The following UGT2B17 variants were observed in gnomAD, a reference collection of about 807,000 sequenced individuals.
UGT2B17 encodes the protein UDP-glucuronosyltransferase 2B17.
UGT2B17 carries 21 observed loss-of-function variants against 48.2 expected under a neutral mutation model. That is an observed-to-expected ratio of 0.44 (90% CI 0.31 to 0.63). UGT2B17 has a LOEUF of 0.63. Ranked by LOEUF, UGT2B17 falls within the 20% of genes least tolerant of loss-of-function variation. The pLI is 0.08. For synonymous variants in UGT2B17, 146 were observed against 238.4 expected, an observed-to-expected ratio of 0.61 and a Z score of 3.57; for missense variants, 402 against 696.1, an observed-to-expected ratio of 0.58 and a Z score of 4.75.
Position 68,537,329 on chromosome 4 carries a change from A to G in UGT2B17, c.*296T>C, listed in dbSNP as rs1208026658. The G allele has an allele frequency of 1.1e-5, 2 of 175,316 alleles. No homozygotes were observed. Among genetic ancestry groups the G allele is most frequent in the Non-Finnish European group, 2.1e-5 (2 of 95,086 alleles). 10.9% of individuals were successfully genotyped at this position (175,316 alleles called of 1,614,324 possible). The stretch of plus-strand genomic sequence containing the variant: ...TGTGTTCAAATACAATGTGTGAAAC[A>G]TAAGGAAGCTCAGTAACTTTTGTGT... On this transcript the variant is annotated 3_prime_UTR_variant, in exon 7 of 7. Coordinates refer to ENST00000317746, the MANE Select transcript of UGT2B17 (RefSeq NM_001077.4).
At chr4:68,554,757 T>C (rs1445879046) in intron 4 of UGT2B17, among the ~76,000 whole-genome samples, 1 of 126,466 alleles carries the variant, frequency 7.9e-6, no homozygotes, top group Non-Finnish European at 1.7e-5. Flanking sequence ...GAATGGTTTC[T>C]TTTAATATGC....
At chr4:68,547,583 A>G (rs1214385858) in intron 6 of UGT2B17, among the ~76,000 whole-genome samples, 1 of 125,860 alleles carries the variant, frequency 7.9e-6, no homozygotes, top group Non-Finnish European at 1.7e-5. Flanking sequence ...ATGGGATCTC[A>G]TTAAACTAAA....
chr4:68,564,294 A>ATATTTT lies in UGT2B17; in HGVS notation c.873+1277_873+1278insAAAATA, dbSNP rs1366181355. ...ATTTCATATATATATATATATATAT[A>ATATTTT]TTTTTTTTTTTTGAGACAGAGTCTC... On this transcript the variant is annotated intron_variant, in intron 3 of 6. Transcript: ENST00000317746. 8.3e-4 allele frequency among the ~76,000 whole-genome samples: 63 copies of ATATTTT among 75,760 alleles called. 6 individuals are homozygous for ATATTTT. The highest frequency in any genetic ancestry group is 7.5e-3 in the Middle Eastern group (1 of 134). 49.7% of individuals were successfully genotyped at this position (75,760 alleles called of 152,430 possible).
At chr4:68,565,833 A>C (rs1731188703) in intron 2 of UGT2B17, 113 bp from the exon 3 acceptor site, 2 of 885,666 alleles carry the variant, frequency 2.3e-6, no homozygotes, top group Admixed American at 8.1e-5. Context: ...ACCTAAAAAT[A>C]TATAAAATGT....
At chr4:68,548,876 TG>T (rs1457308994) in intron 6 of UGT2B17, among the ~76,000 whole-genome samples, 1 of 125,266 alleles carries the variant, frequency 8.0e-6, no homozygotes, top group African/African-American at 2.7e-5. Flanking sequence ...TTGCTGAAGT[TG>T]CTTATCAGCT....
chr4:68,564,949 C>T lies in UGT2B17; in HGVS notation c.873+623G>A, dbSNP rs557027643. On this transcript the variant is annotated intron_variant, in intron 3 of 6. Coordinates refer to ENST00000317746, the MANE Select transcript of UGT2B17 (RefSeq NM_001077.4). ...TCTCAAACTCCTGAGCCCAAGCAAT[C>T]GTCCCTTCTCTGCCTCCCAAAATTC... is the stretch of plus-strand genomic sequence containing the variant. 2.4e-5 allele frequency among the ~76,000 whole-genome samples: 3 copies of T among 125,536 alleles called. 1 individual carries two copies. The highest frequency in any genetic ancestry group is 3.4e-5 in the Non-Finnish European group (2 of 59,346). The allele number at this position is 125,536 out of a possible 152,430, so 82.4% of individuals were successfully genotyped here.
In UGT2B17 at chr4:68,538,047, A is replaced by T. The variant is rs1730587493; in HGVS notation, c.1314-143T>A. On this transcript the variant is annotated intron_variant, in intron 6 of 6. Transcript: ENST00000317746. ...ATTGACATAAAATATTAATGTTTTAATGTATGTCATTACAGAAAGTTTGGT... is the reference window on the plus strand; with the variant it reads ...ATTGACATAAAATATTAATGTTTTATTGTATGTCATTACAGAAAGTTTGGT... 3 of 633,588 alleles carry T rather than the reference A, an allele frequency of 4.7e-6. 1 individual carries two copies. The highest frequency in any genetic ancestry group is 4.3e-5 in the Admixed American group (1 of 23,084). 39.2% of individuals were successfully genotyped at this position (633,588 alleles called of 1,614,324 possible).
Position 68,548,115 on chromosome 4 carries a change from C to A in UGT2B17, c.1313+2562G>T, listed in dbSNP as rs1460148097. ...GTTATAAATCATGCTTCTATAAAGA[C>A]ATGTGCACAAGTATGTTTATGGAGG... On this transcript the variant is annotated intron_variant, in intron 6 of 6. Transcript: ENST00000317746. Among the ~76,000 whole-genome samples the A allele has an allele frequency of 1.3e-4, 16 of 126,830 alleles. 5 individuals carry two copies. Among genetic ancestry groups the A allele is most frequent in the Non-Finnish European group, 2.5e-4 (15 of 59,782 alleles). The allele number at this position is 126,830 out of a possible 152,430, so 83.2% of individuals were successfully genotyped here. A position where few individuals can be genotyped will look rare whatever the true frequency, so the allele number is the denominator to read the frequency against.
intron 3 of UGT2B17, among the ~76,000 whole-genome samples, chr4:68,562,007 GT>G (rs1271498899): frequency 1.6e-5 from 2 of 124,496 alleles, no homozygotes; most frequent in Admixed American, 8.2e-5. Flanking sequence ...TTATAAAACT[GT>G]TTACGAATAA....
At chr4:68,546,504 G>C (rs541648932) in intron 6 of UGT2B17, among the ~76,000 whole-genome samples, 2 of 126,350 alleles carry the variant, frequency 1.6e-5, no homozygotes, top group Non-Finnish European at 3.4e-5. Context: ...CATTCCCTTT[G>C]AAGACTGGTA....
At position 68,552,914 on chromosome 4, in the gene UGT2B17, G is replaced by A. The variant is rs1425105045; in HGVS notation, c.1006-1003C>T. On this transcript the variant is annotated intron_variant, in intron 4 of 6. Transcript: ENST00000317746. ...TTTCCTGTTTCCATGACAATGGAAG[G>A]CAGGTAACTCTATGGAGTTTGAGCT... Among the ~76,000 whole-genome samples, 27 of 123,816 alleles carry A rather than the reference G, an allele frequency of 2.2e-4. 3 individuals are homozygous for A. Among genetic ancestry groups the A allele is most frequent in the Non-Finnish European group, 4.2e-4 (25 of 58,930 alleles). 81.2% of individuals were successfully genotyped at this position (123,816 alleles called of 152,430 possible).
At chr4:68,574,145 C>T (rs1195953784) in intron 1 of UGT2B17, among the ~76,000 whole-genome samples, 2 of 127,148 alleles carry the variant, frequency 1.6e-5, no homozygotes, top group African/African-American at 5.4e-5. Flanking sequence ...GCTTGATATA[C>T]TGTCTTAATT....
chr4:68,552,182 T>A (rs1294821867), intron 4 of UGT2B17, among the ~76,000 whole-genome samples: 1 of 126,168 alleles, frequency 7.9e-6, no homozygotes, highest in Non-Finnish European at 1.7e-5. Context: ...AAAATAAATC[T>A]TGGTGCCCCA....
At chr4:68,542,741 C>A (rs1422994006) in intron 6 of UGT2B17, among the ~76,000 whole-genome samples, 4 of 127,102 alleles carry the variant, frequency 3.1e-5, no homozygotes, top group African/African-American at 1.1e-4. Flanking sequence ...TACTCCCACC[C>A]TAATACTGCG....
rs1731371269 is a variant in UGT2B17 at position 68,576,137 on chromosome 4, C to A, written c.-251G>T. 1.6e-5 allele frequency among the ~76,000 whole-genome samples: 2 copies of A among 125,360 alleles called. 1 individual carries two copies. Among genetic ancestry groups the A allele is most frequent in the Non-Finnish European group, 3.4e-5 (2 of 59,272 alleles). The allele number at this position is 125,360 out of a possible 152,430, so 82.2% of individuals were successfully genotyped here. On this transcript the variant is annotated 5_prime_UTR_variant, in exon 1 of 7. Coordinates refer to ENST00000317746, the MANE Select transcript of UGT2B17 (RefSeq NM_001077.4). ...CGGAGTACCCCACAGGGATGCTCCA[C>A]AGGGCAGGCTTAAGCCACCTAAGGG...
At chr4:68,552,492 A>C (rs1286018494) in intron 4 of UGT2B17, among the ~76,000 whole-genome samples, 1 of 125,940 alleles carries the variant, frequency 7.9e-6, no homozygotes, top group Non-Finnish European at 1.7e-5. Context: ...GTATAAAACC[A>C]AACTGTCCCC....
Position 68,565,557 on chromosome 4 carries a change from C to G in UGT2B17, c.873+15G>C, listed in dbSNP as rs200297329. On this transcript the variant is annotated intron_variant, in intron 3 of 6. Coordinates refer to ENST00000317746, the MANE Select transcript of UGT2B17 (RefSeq NM_001077.4). ...GAAAATGTCAAGCAAACAAATGAAA[C>G]AAGAATATGTTCACCTTAGGCAAGG... is the stretch of plus-strand genomic sequence containing the variant. 1.6e-5 allele frequency: 21 copies of G among 1,353,066 alleles called. 6 individuals are homozygous for G. The African/African-American group carries it at 2.4e-4, about 16-fold the overall frequency. 83.8% of individuals were successfully genotyped at this position (1,353,066 alleles called of 1,614,324 possible).
rs1332891411 is a variant in UGT2B17 at position 68,544,978 on chromosome 4, G to C, written c.1313+5699C>G. 1.6e-5 allele frequency among the ~76,000 whole-genome samples: 2 copies of C among 125,606 alleles called. 1 individual carries two copies. Among genetic ancestry groups the C allele is most frequent in the African/African-American group, 5.4e-5 (2 of 36,726 alleles). 82.4% of individuals were successfully genotyped at this position (125,606 alleles called of 152,430 possible). ...TTAGACTCCCACACAATAATAATGG[G>C]ACACTTTAACAAACCACCGTCAACA... On this transcript the variant is annotated intron_variant, in intron 6 of 6. Coordinates refer to ENST00000317746, the MANE Select transcript of UGT2B17 (RefSeq NM_001077.4).
At chr4:68,565,400 A>G (rs1323662417) in intron 3 of UGT2B17, among the ~76,000 whole-genome samples, 172 bp downstream of exon 3, 1 of 126,216 alleles carries the variant, frequency 7.9e-6, no homozygotes, top group African/African-American at 2.7e-5. Context: ...CTTTAATGAT[A>G]ATAACATTCA....
Sources: allele counts gnomAD v4.1 joint callset (sites outside exome capture counted in the v4.1 genomes callset), GRCh38; gene constraint gnomAD v4.1.1; transcripts MANE v1.5; gene names NCBI Gene and HGNC (gene_info 2026-07-23, HGNC 2026-07-21).